Variants in TMEM168 observed in about 807,000 individuals in gnomAD.
The protein encoded by TMEM168 is transmembrane protein 168.
TMEM168 carries 40 observed loss-of-function variants against 53.2 expected under a neutral mutation model. That is an observed-to-expected ratio of 0.75 (90% CI 0.58 to 0.98). The LOEUF (loss-of-function observed/expected upper bound fraction) is 0.98, where lower values mean the gene tolerates loss of function less well. Ranked by LOEUF, TMEM168 falls within the 50% of genes least tolerant of loss-of-function variation. The pLI is 0.00. For missense variants in TMEM168, 771 were observed against 828.8 expected (o/e 0.93, Z 0.86); for synonymous variants, 282 against 293.0 (o/e 0.96, Z 0.38).
chr7:112,785,034 G>C, intron 1 of TMEM168, 81 bp from the exon 2 acceptor site: 2 of 385,684 alleles, frequency 5.2e-6, no homozygotes, highest in East Asian at 8.8e-5. Context: ...TATAGAAAGT[G>C]AAAAAATCCA....
At chr7:112,769,252 ACT>A (rs1248645601) in intron 4 of TMEM168, among the ~76,000 whole-genome samples, 1 of 152,126 alleles carries the variant, frequency 6.6e-6, no homozygotes, top group Non-Finnish European at 1.5e-5. Flanking sequence ...TCGCTCTAAC[ACT>A]CACACATATT....
In TMEM168 at chr7:112,784,161, T is replaced by C. The variant is rs377088573; in HGVS notation, c.665A>G (p.Asn222Ser). ...AAAAAAACACGCAAAAGCAATCGGA[T>C]TTTTGGGAGTTTCCAATGAGGAAAA... is the stretch of plus-strand genomic sequence containing the variant. ...LFFSSLETPKNPIAFACFFIC... is the reference protein window; with the variant it reads ...LFFSSLETPKSPIAFACFFIC... Residue 222 changes from asparagine to serine, a missense_variant, in exon 2 of 5, where the codon AAT becomes AGT. Asn to Ser is a conservative substitution (Grantham distance 46). Transcript: ENST00000312814. 1 of 1,613,972 alleles carries C rather than the reference T, an allele frequency of 6.2e-7. No homozygotes were observed. Among genetic ancestry groups the C allele is most frequent in the South Asian group, 1.1e-5 (1 of 91,028 alleles).
At chr7:112,777,208 T>C (rs1259886605) in intron 2 of TMEM168, among the ~76,000 whole-genome samples, 1 of 152,166 alleles carries the variant, frequency 6.6e-6, no homozygotes, top group Non-Finnish European at 1.5e-5. Context: ...TATCCAACCA[T>C]TAAGAAGATA....
intron 4 of TMEM168, among the ~76,000 whole-genome samples, chr7:112,768,965 A>G (rs1011655464): frequency 6.6e-6 from 1 of 152,266 alleles, no homozygotes; most frequent in African/African-American, 2.4e-5. Context: ...TACAAAAATT[A>G]TAACAGCAGC....
rs1370529137 is a variant in TMEM168, at chr7:112,764,501, T to TG, written c.*2695_*2696insC. On this transcript the variant is annotated 3_prime_UTR_variant, in exon 5 of 5. Coordinates refer to ENST00000312814, the MANE Select transcript of TMEM168 (RefSeq NM_022484.6). ...TTCTACACCCTTATTATTTTTTTTG[T>TG]TTGTTTCTTTTTTTTTTTGAGATGG... is the stretch of plus-strand genomic sequence containing the variant. The TG allele has an allele frequency of 4.0e-5, 6 of 150,958 alleles. No individual in the cohort carries two copies. The highest frequency in any genetic ancestry group is 1.5e-4 in the African/African-American group (6 of 40,842). 9.4% of individuals were successfully genotyped at this position (150,958 alleles called of 1,614,324 possible). A position where few individuals can be genotyped will look rare whatever the true frequency, so the allele number is the denominator to read the frequency against.
rs759878812 is a variant in TMEM168, at chr7:112,783,899, A to G, written c.927T>C (p.His309=). ...CCCAAAGAGTTAAAAGAAAAATAAT[A>G]TGACAAATCATCCAGAAAATTCCAA... The part of the protein sequence containing the change: ...SIFGIFWMIC[H]IIFLLTLWGF... Residue 309 remains histidine (H), a synonymous_variant, in exon 2 of 5, where the codon CAT becomes CAC. Transcript: ENST00000312814. The G allele has an allele frequency of 2.5e-6, 4 of 1,597,530 alleles. No individual in the cohort carries two copies. In the South Asian group the frequency reaches 3.5e-5, roughly 14 times the overall value.
At chr7:112,767,802 A>G (rs564929149) in intron 4 of TMEM168, 58 bp from the exon 5 acceptor site, 29 of 1,446,022 alleles carry the variant, frequency 2.0e-5, no homozygotes, top group Non-Finnish European at 2.5e-5. Context: ...CATTAAGAAA[A>G]CCCTCTTAAT....
At position 112,767,299 on chromosome 7, in the gene TMEM168, C is replaced by G. The variant is rs776132659; in HGVS notation, c.1992G>C (p.Trp664Cys). 28 of 1,613,932 alleles carry G rather than the reference C, an allele frequency of 1.7e-5. 1 individual carries two copies. Among genetic ancestry groups the G allele is most frequent in the South Asian group, 1.3e-4 (12 of 91,084 alleles). The change falls in exon 5 of 5, where the codon TGG becomes TGC. Residue 664 changes from tryptophan to cysteine, a missense_variant. Trp to Cys is a radical substitution (Grantham distance 215, BLOSUM62 -2). Transcript: ENST00000312814. ...AGCACCTAAAACAAGTTTTGCAGAT[C>G]CAAAAAAGGTTCAGACCGCATAACC... ...ANWLCGLNLFWICKTCFRCLK... is the reference protein window; with the variant it reads ...ANWLCGLNLFCICKTCFRCLK...
chr7:112,787,580 A>C (rs1447314186), intron 1 of TMEM168, among the ~76,000 whole-genome samples: 5 of 151,580 alleles, frequency 3.3e-5, no homozygotes, highest in Non-Finnish European at 5.9e-5. Flanking sequence ...ATGCCCAGTT[A>C]ATTTTTGTAT....
In TMEM168 at chr7:112,763,594, C is replaced by T. The variant is rs1257604070; in HGVS notation, c.*3603G>A. On this transcript the variant is annotated 3_prime_UTR_variant, in exon 5 of 5. Transcript: ENST00000312814. ...ACTTACTGTCAAATATATCTAATCACATTCTTAAAATTAAATCATTTTCTT... is the reference window on the plus strand; with the variant it reads ...ACTTACTGTCAAATATATCTAATCATATTCTTAAAATTAAATCATTTTCTT... 1 of 152,118 alleles carries T rather than the reference C, an allele frequency of 6.6e-6. No homozygotes were observed. The highest frequency in any genetic ancestry group is 1.9e-4 in the East Asian group (1 of 5,194). 9.4% of individuals were successfully genotyped at this position (152,118 alleles called of 1,614,324 possible).
In TMEM168 at chr7:112,766,569, T is replaced by C. The variant is rs1197401062; in HGVS notation, c.*628A>G. 1 of 152,682 alleles carries C rather than the reference T, an allele frequency of 6.5e-6. No individual in the cohort carries two copies. Among genetic ancestry groups the C allele is most frequent in the African/African-American group, 2.4e-5 (1 of 41,446 alleles). The allele number at this position is 152,682 out of a possible 1,614,324, so 9.5% of individuals were successfully genotyped here. Reference sequence around the variant, plus strand: ...CTTGTAGGCTCTAGCCTTTTAACAATACCTACATAAAGAATATTTTGATCT... The same window carrying C: ...CTTGTAGGCTCTAGCCTTTTAACAACACCTACATAAAGAATATTTTGATCT... On this transcript the variant is annotated 3_prime_UTR_variant, in exon 5 of 5. Transcript: ENST00000312814.
At chr7:112,774,525 G>T (rs1793020903) in intron 3 of TMEM168, among the ~76,000 whole-genome samples, 1 of 151,680 alleles carries the variant, frequency 6.6e-6, no homozygotes, top group Non-Finnish European at 1.5e-5. Context: ...CTCAGGCCCA[G>T]AGCACGTTTT....
At chr7:112,785,065 T>A in intron 1 of TMEM168, 112 bp from the exon 2 acceptor site, 1 of 328,578 alleles carries the variant, frequency 3.0e-6, no homozygotes, top group Non-Finnish European at 5.4e-6. Context: ...TGAAATCCAG[T>A]TTACAACCTG....
chr7:112,787,979 G>A (rs1424216055), intron 1 of TMEM168, among the ~76,000 whole-genome samples: 5 of 151,504 alleles, frequency 3.3e-5, no homozygotes, highest in African/African-American at 7.3e-5. Flanking sequence ...TGATCCGTCC[G>A]CCTTGGCCTC....
rs1278876218 is a variant in TMEM168 at position 112,784,765 on chromosome 7, C to T, written c.61G>A (p.Glu21Lys). ...ATGTTCACTTCTCTATTTACTTCTT[C>T]CAGTCTTGTCATTGCTAAATAGAGA... The part of the protein sequence containing the change: ...HCLYLAMTRL[E>K]EVNREVNMHS... The change falls in exon 2 of 5, where the codon GAA becomes AAA. Residue 21 changes from glutamate to lysine, a missense_variant. Transcript: ENST00000312814. 6.2e-7 allele frequency: 1 copy of T among 1,610,888 alleles called. No individual in the cohort carries two copies. Among genetic ancestry groups the T allele is most frequent in the Non-Finnish European group, 8.5e-7 (1 of 1,179,316 alleles).
rs1209534916 is a variant in TMEM168, at chr7:112,767,028, T to C, written c.*169A>G. On this transcript the variant is annotated 3_prime_UTR_variant, in exon 5 of 5. Coordinates refer to ENST00000312814, the MANE Select transcript of TMEM168 (RefSeq NM_022484.6). ...TACATACTTTCATTATAAAATGTTT[T>C]TTCCCAACGCCTTATATATACCATA... 2 of 656,176 alleles carry C rather than the reference T, an allele frequency of 3.0e-6. No homozygotes were observed. The highest frequency in any genetic ancestry group is 5.0e-6 in the Non-Finnish European group (2 of 400,244). 40.6% of individuals were successfully genotyped at this position (656,176 alleles called of 1,614,324 possible). A position where few individuals can be genotyped will look rare whatever the true frequency, so the allele number is the denominator to read the frequency against.
At chr7:112,786,499 G>A (rs988712029) in intron 1 of TMEM168, among the ~76,000 whole-genome samples, 1 of 151,752 alleles carries the variant, frequency 6.6e-6, no homozygotes, top group African/African-American at 2.4e-5. Context: ...CATGTCTTAA[G>A]GTACCACATA....
intron 4 of TMEM168, among the ~76,000 whole-genome samples, chr7:112,771,022 T>C (rs775249648): frequency 5.3e-5 from 8 of 152,194 alleles, no homozygotes; most frequent in Non-Finnish European, 7.3e-5. Flanking sequence ...TCTTGTGCTC[T>C]GAGTTGGAAT....
intron 4 of TMEM168, 67 bp from the exon 5 acceptor site, chr7:112,767,811 A>C: frequency 7.1e-7 from 1 of 1,407,990 alleles, no homozygotes; most frequent in African/African-American, 1.4e-5. Context: ...AACCCTCTTA[A>C]TCATTTTCTT....
Sources: allele counts gnomAD v4.1 joint callset (sites outside exome capture counted in the v4.1 genomes callset), GRCh38; gene constraint gnomAD v4.1.1; transcripts MANE v1.5; gene names NCBI Gene and HGNC (gene_info 2026-07-23, HGNC 2026-07-21).